Variants in ECI2 observed in about 807,000 individuals in gnomAD.
The protein encoded by ECI2 is D3,D2-enoyl-CoA isomerase.
In ECI2, 27 loss-of-function variants were observed where a neutral mutation model predicts 38.4. That is an observed-to-expected ratio of 0.70 (90% CI 0.52 to 0.97). The LOEUF (loss-of-function observed/expected upper bound fraction) is 0.97. Ranked by LOEUF, ECI2 falls within the 50% of genes least tolerant of loss-of-function variation. The probability of loss-of-function intolerance (pLI) is 0.00; values close to 1 mark genes in which losing one functional copy is unlikely to be tolerated. For synonymous variants in ECI2, 168 were observed against 172.0 expected (o/e 0.98, Z 0.18); for missense variants, 470 against 474.4 (o/e 0.99, Z 0.09).
chr6:4,133,911 A>G lies in ECI2; in HGVS notation c.51-200T>C, dbSNP rs1005047986. On this transcript the variant is annotated intron_variant, in intron 1 of 9. Transcript: ENST00000380118. ...ATAAGTCAATACAGAAGCTAACAGT[A>G]GTAACTTTAAATAAAAGGAAAAGTA... 5 of 498,386 alleles carry G rather than the reference A, an allele frequency of 1.0e-5. No homozygotes were observed. In the East Asian group the frequency reaches 1.8e-4, roughly 18 times the overall value. 30.9% of individuals were successfully genotyped at this position (498,386 alleles called of 1,614,324 possible). A position where few individuals can be genotyped will look rare whatever the true frequency, so the allele number is the denominator to read the frequency against.
chr6:4,133,748 C>A, intron 1 of ECI2, 37 bp from the exon 2 acceptor site: 1 of 1,557,596 alleles, frequency 6.4e-7, no homozygotes, highest in South Asian at 1.2e-5. Flanking sequence ...TTGTTCCCAA[C>A]CCTCACATTT....
At chr6:4,124,966 C>G (rs1247688327) in intron 7 of ECI2, 1 of 524,434 alleles carries the variant, frequency 1.9e-6, no homozygotes, top group Non-Finnish European at 3.7e-6. Context: ...CAAGTGTCTC[C>G]TGAATCTTTC....
intron 5 of ECI2, among the ~76,000 whole-genome samples, chr6:4,126,441 A>G (rs1283916212): frequency 6.6e-6 from 1 of 152,214 alleles, no homozygotes; most frequent in Non-Finnish European, 1.5e-5. Flanking sequence ...TACTGTTGAA[A>G]TAGAGGAGTG....
intron 7 of ECI2, chr6:4,122,018 G>A: frequency 6.2e-7 from 1 of 1,601,032 alleles, no homozygotes. Context: ...TGAGAAACCT[G>A]CCAACAACAG....
chr6:4,122,620 C>T (rs980608296), intron 7 of ECI2, among the ~76,000 whole-genome samples: 1 of 152,010 alleles, frequency 6.6e-6, no homozygotes, highest in African/African-American at 2.4e-5. Flanking sequence ...CTCAGCCTAC[C>T]AAGTAGCTGG....
intron 8 of ECI2, 199 bp from the exon 9 acceptor site, chr6:4,117,650 A>G (rs537845031): frequency 6.1e-4 from 354 of 582,898 alleles, no homozygotes; most frequent in Middle Eastern, 2.4e-3. Context: ...GGGAAGGTCT[A>G]TAAGGGCTGC....
chr6:4,133,427 A>G, intron 2 of ECI2, 122 bp downstream of exon 2: 1 of 1,110,600 alleles, frequency 9.0e-7, no homozygotes, highest in Non-Finnish European at 1.3e-6. Flanking sequence ...CACACTCTTC[A>G]GAGAAGAGGG....
chr6:4,129,703 A>G (rs904940181), intron 4 of ECI2, among the ~76,000 whole-genome samples: 13 of 152,184 alleles, frequency 8.5e-5, no homozygotes, highest in Non-Finnish European at 1.5e-5. Context: ...TCTGAAGATG[A>G]TTTTAAAGTG....
chr6:4,115,964 A>G lies in ECI2; in HGVS notation c.1095T>C (p.Ala365=), dbSNP rs1772234080. The G allele has an allele frequency of 6.2e-7, 1 of 1,614,226 alleles. No individual in the cohort carries two copies. Among genetic ancestry groups the G allele is most frequent in the Non-Finnish European group, 8.5e-7 (1 of 1,180,038 alleles). Residue 365 remains alanine, a synonymous_variant, in exon 10 of 10, where the codon GCT becomes GCC. Coordinates refer to ENST00000380118, the MANE Select transcript of ECI2 (RefSeq NM_206836.3). ...REREKLHAVN[A]EECNVLQGRW... is the part of the protein sequence containing the mutation. The stretch of plus-strand genomic sequence containing the variant: ...TTCCCTGAAGGACATTGCATTCTTC[A>G]GCATTAACAGCGTGTAGTTTTTCTC...
Position 4,135,569 on chromosome 6 carries a change from C to T in ECI2, c.-9G>A, listed in dbSNP as rs746385853. 4.2e-6 allele frequency: 5 copies of T among 1,182,878 alleles called. No homozygotes were observed. The highest frequency in any genetic ancestry group is 4.7e-6 in the Non-Finnish European group (4 of 856,324). 73.3% of individuals were successfully genotyped at this position (1,182,878 alleles called of 1,614,324 possible). On this transcript the variant is annotated 5_prime_UTR_variant, in exon 1 of 10. Transcript: ENST00000380118. ...AAGTACGCCATCGCCATCCCTTGGGCGGCTCTAGGGCTGCGGGGGCTCGGG... is the reference window on the plus strand; with the variant it reads ...AAGTACGCCATCGCCATCCCTTGGGTGGCTCTAGGGCTGCGGGGGCTCGGG...
At chr6:4,127,333 CTG>C (rs1773228384) in intron 5 of ECI2, among the ~76,000 whole-genome samples, 1 of 139,414 alleles carries the variant, frequency 7.2e-6, no homozygotes, top group Non-Finnish European at 1.5e-5. Context: ...GAGTGGGTAT[CTG>C]TGTTTTTTTA....
intron 1 of ECI2, among the ~76,000 whole-genome samples, chr6:4,134,231 G>A (rs1198141816): frequency 6.6e-6 from 1 of 152,220 alleles, no homozygotes; most frequent in Non-Finnish European, 1.5e-5. Flanking sequence ...GAACATACAA[G>A]AAATATTCAA....
At chr6:4,130,348 A>G in intron 4 of ECI2, 24 bp downstream of exon 4, 3 of 1,614,126 alleles carry the variant, frequency 1.9e-6, no homozygotes, top group Non-Finnish European at 2.5e-6. Context: ...AAACAGGACA[A>G]ACTCCGTGGG....
chr6:4,123,686 G>T (rs960115631), intron 7 of ECI2, among the ~76,000 whole-genome samples: 3 of 151,822 alleles, frequency 2.0e-5, no homozygotes, highest in African/African-American at 7.3e-5. Flanking sequence ...GTTGATGCAG[G>T]CCAGGCTCAG....
intron 5 of ECI2, among the ~76,000 whole-genome samples, chr6:4,127,380 C>A (rs1581986182): frequency 7.3e-6 from 1 of 136,242 alleles, no homozygotes; most frequent in African/African-American, 2.7e-5. Context: ...CAGAGTATGA[C>A]AGTACTGGAA....
intron 1 of ECI2, chr6:4,135,177 G>T (rs1380553652): frequency 1.6e-6 from 1 of 616,252 alleles, no homozygotes; most frequent in Admixed American, 2.2e-5. Flanking sequence ...TGCAGGCCCG[G>T]GTGCTCAGCT....
At position 4,126,811 on chromosome 6, in the gene ECI2, TTTAA is replaced by T. The variant is rs146393476; in HGVS notation, c.572-578_572-575del. 5.4e-4 allele frequency among the ~76,000 whole-genome samples: 83 copies of T among 152,324 alleles called. 1 individual carries two copies. The East Asian group carries it at 0.015, about 27-fold the overall frequency. The stretch of plus-strand genomic sequence containing the variant: ...GAAAGTATGTTTCTGAGTGTGTGTG[TTTAA>T]TTAAAGTACAATTTATATACAATAA... On this transcript the variant is annotated intron_variant, in intron 5 of 9. Transcript: ENST00000380118.
chr6:4,134,021 A>C (rs766202437), intron 1 of ECI2, among the ~76,000 whole-genome samples: 3 of 152,264 alleles, frequency 2.0e-5, no homozygotes, highest in African/African-American at 7.2e-5. Flanking sequence ...AAAGGCAAGA[A>C]GTGAAGTGCA....
At chr6:4,127,093 T>C (rs1773210827) in intron 5 of ECI2, among the ~76,000 whole-genome samples, 2 of 152,244 alleles carry the variant, frequency 1.3e-5, no homozygotes. Flanking sequence ...TGTCTTTATT[T>C]TGCTGAACTG....
Sources: allele counts gnomAD v4.1 joint callset (sites outside exome capture counted in the v4.1 genomes callset), GRCh38; gene constraint gnomAD v4.1.1; transcripts MANE v1.5; gene names NCBI Gene and HGNC (gene_info 2026-07-23, HGNC 2026-07-21).